The following TRPM3 variants were observed in gnomAD, a reference collection of about 807,000 sequenced individuals.
The protein encoded by TRPM3 is long transient receptor potential channel 3.
TRPM3 carries 77 observed loss-of-function variants against 181.2 expected under a neutral mutation model. The observed-to-expected ratio is 0.42, with a 90% CI of 0.35 to 0.51. The LOEUF is 0.51. Ranked by LOEUF, TRPM3 falls within the 20% of genes least tolerant of loss-of-function variation. The probability of loss-of-function intolerance (pLI) is 0.01; values close to 1 mark genes in which losing one functional copy is unlikely to be tolerated. For synonymous variants in TRPM3, 745 were observed against 796.4 expected (o/e 0.94, Z 1.09); for missense variants, 1,759 against 2,196.7 (o/e 0.80, Z 3.98).
At chr9:71,206,751 TTAATTTTTGCA>T (rs2079149793) in intron 1 of TRPM3, among the ~76,000 whole-genome samples, 4 of 152,110 alleles carry the variant, frequency 2.6e-5, no homozygotes, top group Admixed American at 2.6e-4. Context: ...CCATCCTGAG[TTAATTTTTGCA>T]TAAGGAGTAA....
intron 1 of TRPM3, chr9:70,917,229 C>A: frequency 1.3e-6 from 2 of 1,578,678 alleles, no homozygotes; most frequent in East Asian, 2.2e-5. Context: ...AAATACAGGG[C>A]AATAGCAGTG....
At chr9:70,750,127 T>C (rs902661776) in intron 8 of TRPM3, among the ~76,000 whole-genome samples, 2 of 152,170 alleles carry the variant, frequency 1.3e-5, no homozygotes, top group African/African-American at 2.4e-5. Flanking sequence ...TACTGTAAGA[T>C]TGTACTATGC....
At chr9:71,424,745 G>T (rs1267925791) in intron 1 of TRPM3, among the ~76,000 whole-genome samples, 4 of 151,968 alleles carry the variant, frequency 2.6e-5, no homozygotes, top group South Asian at 2.1e-4. Flanking sequence ...ACATGCCCTG[G>T]TATTTTTCAT....
intron 3 of TRPM3, among the ~76,000 whole-genome samples, chr9:70,858,363 A>G (rs1351953962): frequency 1.3e-5 from 2 of 152,056 alleles, no homozygotes; most frequent in Non-Finnish European, 2.9e-5. Context: ...TTCCCTTTCT[A>G]CAAACTGTGT....
intron 1 of TRPM3, among the ~76,000 whole-genome samples, chr9:71,110,991 T>C (rs1309664820): frequency 6.6e-6 from 1 of 152,198 alleles, no homozygotes; most frequent in African/African-American, 2.4e-5. Flanking sequence ...AAGTAGAAGT[T>C]ATTACAGAAC....
At chr9:71,301,476 C>T (rs2086770949) in intron 1 of TRPM3, among the ~76,000 whole-genome samples, 1 of 152,122 alleles carries the variant, frequency 6.6e-6, no homozygotes, top group Non-Finnish European at 1.5e-5. Context: ...AGTTTCAAAG[C>T]CACATACTGA....
intron 8 of TRPM3, 48 bp downstream of exon 8, chr9:70,761,553 A>C (rs759611765): frequency 6.2e-6 from 10 of 1,613,484 alleles, no homozygotes; most frequent in Non-Finnish European, 7.6e-6. Flanking sequence ...ATTCAAGAAA[A>C]TGACTGAAAA....
intron 1 of TRPM3, among the ~76,000 whole-genome samples, chr9:71,288,024 T>C (rs1047555081): frequency 6.6e-6 from 1 of 152,112 alleles, no homozygotes; most frequent in African/African-American, 2.4e-5. Context: ...AATTTAGAAT[T>C]GGACTCAGTC....
In TRPM3 at chr9:70,598,715, G is replaced by A. The variant is rs1176956388; in HGVS notation, c.2797-45C>T. On this transcript the variant is annotated intron_variant, in intron 20 of 25. Transcript: ENST00000677713. ...GCAGAGTTAGGTCTGGTTTCTGTCT[G>A]TATTTTCAGCCCAGTTGGGAAGTGC... is the stretch of plus-strand genomic sequence containing the variant. 4 of 1,589,624 alleles carry A rather than the reference G, an allele frequency of 2.5e-6. No individual in the cohort carries two copies. In the Admixed American group the frequency reaches 5.1e-5, roughly 20 times the overall value.
At chr9:70,611,666 G>C (rs2062020383) in intron 18 of TRPM3, among the ~76,000 whole-genome samples, 1 of 152,224 alleles carries the variant, frequency 6.6e-6, no homozygotes, top group South Asian at 2.1e-4. Context: ...CCTTAGGCAT[G>C]TGCCTTGGTT....
chr9:71,231,124 G>A (rs1379236055), intron 1 of TRPM3, among the ~76,000 whole-genome samples: 1 of 152,110 alleles, frequency 6.6e-6, no homozygotes, highest in East Asian at 1.9e-4. Flanking sequence ...TCCCCTCAAA[G>A]ATAGTCATAT....
At chr9:71,314,767 T>C (rs982118372) in intron 1 of TRPM3, among the ~76,000 whole-genome samples, 9 of 151,994 alleles carry the variant, frequency 5.9e-5, no homozygotes, top group Admixed American at 5.9e-4. Context: ...TGGGCTGCTT[T>C]GGGGAATCCT....
chr9:71,006,179 T>C (rs1279384393), intron 1 of TRPM3, among the ~76,000 whole-genome samples: 1 of 152,064 alleles, frequency 6.6e-6, no homozygotes, highest in Non-Finnish European at 1.5e-5. Flanking sequence ...AAAGCAAAAA[T>C]CTGCAATTGA....
In TRPM3 at chr9:71,096,588, A is replaced by ACTCTCT. The variant is rs1256142555; in HGVS notation, c.177+24589_177+24590insAGAGAG. 3.1e-3 allele frequency among the ~76,000 whole-genome samples: 303 copies of ACTCTCT among 96,856 alleles called. 1 individual carries two copies. The highest frequency in any genetic ancestry group is 0.013 in the African/African-American group (285 of 21,534). 63.5% of individuals were successfully genotyped at this position (96,856 alleles called of 152,430 possible). ...CACACACACACACACACACACACAC[A>ACTCTCT]CACTCTCTCTCTCTCTCTCTCTCTC... On this transcript the variant is annotated intron_variant, in intron 1 of 25. Transcript: ENST00000677713.
At chr9:70,691,668 T>A (rs2068603656) in intron 8 of TRPM3, among the ~76,000 whole-genome samples, 1 of 152,216 alleles carries the variant, frequency 6.6e-6, no homozygotes, top group Non-Finnish European at 1.5e-5. Flanking sequence ...AGAAATGCAA[T>A]TCAGAGGCTA....
intron 1 of TRPM3, among the ~76,000 whole-genome samples, chr9:70,973,275 T>G (rs1229666557): frequency 6.6e-6 from 1 of 152,178 alleles, no homozygotes; most frequent in Non-Finnish European, 1.5e-5. Flanking sequence ...GGCCACTGCT[T>G]ATCCTGCTTC....
At chr9:71,417,829 C>A (rs2093659901) in intron 1 of TRPM3, among the ~76,000 whole-genome samples, 1 of 151,910 alleles carries the variant, frequency 6.6e-6, no homozygotes, top group Non-Finnish European at 1.5e-5. Flanking sequence ...GTATATCCAT[C>A]TTTATCTGTT....
At chr9:71,142,310 G>A (rs1587618969) in intron 1 of TRPM3, among the ~76,000 whole-genome samples, 1 of 152,214 alleles carries the variant, frequency 6.6e-6, no homozygotes, top group Non-Finnish European at 1.5e-5. Flanking sequence ...ACTTGTCTTA[G>A]GTTGAGTTAC....
intron 9 of TRPM3, among the ~76,000 whole-genome samples, chr9:70,674,748 T>A (rs1266426643): frequency 2.0e-5 from 3 of 148,922 alleles, no homozygotes; most frequent in Non-Finnish European, 4.5e-5. Flanking sequence ...TTTTTTTTTT[T>A]AGAGACAAGG....
Sources: gnomAD v4.1 joint callset for allele counts (sites outside exome capture counted in the v4.1 genomes callset) on GRCh38, gnomAD v4.1.1 for gene constraint, MANE v1.5 for transcripts, NCBI Gene and HGNC (gene_info 2026-07-23, HGNC 2026-07-21) for gene names.